The following NFIA variants were observed in gnomAD, a reference collection of about 807,000 sequenced individuals.
NFIA encodes nuclear factor 1 A-type.
Under a neutral mutation model 62.8 loss-of-function variants are expected in NFIA, and 8 were observed. The ratio of observed to expected loss-of-function variants is 0.13; its 90% CI spans 0.07 to 0.23. The LOEUF is 0.23. NFIA is among the 10% of genes least tolerant of loss of function. The probability of loss-of-function intolerance (pLI) is 1.00; values close to 1 mark genes in which losing one functional copy is unlikely to be tolerated. For missense variants in NFIA, 410 were observed against 642.1 expected, an observed-to-expected ratio of 0.64 and a Z score of 3.91; for synonymous variants, 235 against 238.1, an observed-to-expected ratio of 0.99 and a Z score of 0.12.
chr1:61,213,374 T>C (rs1653387995), intron 2 of NFIA, among the ~76,000 whole-genome samples: 1 of 152,192 alleles, frequency 6.6e-6, no homozygotes, highest in Non-Finnish European at 1.5e-5. Context: ...ATGCGGGTTG[T>C]GAAGATATGT....
chr1:61,398,232 C>T (rs1665381695), intron 7 of NFIA, among the ~76,000 whole-genome samples: 1 of 152,224 alleles, frequency 6.6e-6, no homozygotes, highest in African/African-American at 2.4e-5. Flanking sequence ...ATATAGCCTG[C>T]AAAGTCTAAA....
At chr1:61,425,138 T>C (rs1666809270) in intron 9 of NFIA, among the ~76,000 whole-genome samples, 1 of 152,232 alleles carries the variant, frequency 6.6e-6, no homozygotes, top group Admixed American at 6.5e-5. Context: ...AACACAGCCA[T>C]GTCCACATCC....
At chr1:61,274,380 A>T (rs1657687429) in intron 2 of NFIA, among the ~76,000 whole-genome samples, 1 of 152,238 alleles carries the variant, frequency 6.6e-6, no homozygotes, top group African/African-American at 2.4e-5. Flanking sequence ...GGGAAAAAAA[A>T]TTGATAACCC....
chr1:61,457,381 C>T lies in NFIA; in HGVS notation c.*2061C>T, dbSNP rs1668355015. Reference sequence around the variant, plus strand: ...TTGTAAATGTGACTTTTATGTCAGCCATCGTCAGTTTCAACATCTAGAACT... The same window carrying T: ...TTGTAAATGTGACTTTTATGTCAGCTATCGTCAGTTTCAACATCTAGAACT... On this transcript the variant is annotated 3_prime_UTR_variant, in exon 11 of 11. Transcript: ENST00000403491. The surrounding 1 kb of genome is among the most constrained non-coding windows in gnomAD (Gnocchi z 4.2). 2 of 152,128 alleles carry T rather than the reference C, an allele frequency of 1.3e-5. No individual in the cohort carries two copies. Among genetic ancestry groups the T allele is most frequent in the African/African-American group, 2.4e-5 (1 of 41,420 alleles). 9.4% of individuals were successfully genotyped at this position (152,128 alleles called of 1,614,324 possible). A position where few individuals can be genotyped will look rare whatever the true frequency, so the allele number is the denominator to read the frequency against.
chr1:61,159,726 GGCTGGAGT>G (rs1649056051), intron 2 of NFIA, among the ~76,000 whole-genome samples: 1 of 148,794 alleles, frequency 6.7e-6, no homozygotes, highest in Admixed American at 6.8e-5. Flanking sequence ...CTGTTGCCCG[GGCTGGAGT>G]GCAGTGGCTC....
At chr1:61,231,575 G>A (rs903601542) in intron 2 of NFIA, among the ~76,000 whole-genome samples, 2 of 152,134 alleles carry the variant, frequency 1.3e-5, no homozygotes, top group Non-Finnish European at 2.9e-5. Flanking sequence ...ACTCAACTTG[G>A]TGCTATTGTA....
chr1:61,353,641 G>A lies in NFIA; in HGVS notation c.818+1074G>A, dbSNP rs115170186. On this transcript the variant is annotated intron_variant, in intron 5 of 10. Coordinates refer to ENST00000403491, the MANE Select transcript of NFIA (RefSeq NM_001134673.4). ...TAGAACTTTTCCTTGGTGCACACTCGTTCTTACCTTGCCTTTATATATTTT... is the reference window on the plus strand; with the variant it reads ...TAGAACTTTTCCTTGGTGCACACTCATTCTTACCTTGCCTTTATATATTTT... 5.8e-3 allele frequency among the ~76,000 whole-genome samples: 884 copies of A among 152,052 alleles called. 5 individuals carry two copies. Among genetic ancestry groups the A allele is most frequent in the Middle Eastern group, 0.01 (3 of 294 alleles).
At chr1:61,167,945 G>C (rs1367834149) in intron 2 of NFIA, among the ~76,000 whole-genome samples, 13 of 152,062 alleles carry the variant, frequency 8.5e-5, no homozygotes, top group Non-Finnish European at 1.2e-4. Flanking sequence ...TATAGATTTT[G>C]ATGTACACTT....
chr1:61,189,858 C>G (rs567470320), intron 2 of NFIA, among the ~76,000 whole-genome samples: 1 of 152,202 alleles, frequency 6.6e-6, no homozygotes, highest in East Asian at 1.9e-4. Flanking sequence ...CCTAGAAACT[C>G]ACTGAATACT....
intron 3 of NFIA, among the ~76,000 whole-genome samples, chr1:61,295,259 C>G (rs1189890716): frequency 1.3e-5 from 2 of 152,194 alleles, no homozygotes; most frequent in South Asian, 2.1e-4. Flanking sequence ...GCAAAGCTGA[C>G]TGACATGAAG....
chr1:61,458,645 C>G lies in NFIA; in HGVS notation c.*3325C>G, dbSNP rs1483543275. On this transcript the variant is annotated 3_prime_UTR_variant, in exon 11 of 11. Coordinates refer to ENST00000403491, the MANE Select transcript of NFIA (RefSeq NM_001134673.4). Reference sequence around the variant, plus strand: ...GAATTGCTTTTCTTTCTTTTTACCCCCCCTTTGGGAACTGGATTTAAGTTT... The same window carrying G: ...GAATTGCTTTTCTTTCTTTTTACCCGCCCTTTGGGAACTGGATTTAAGTTT... The G allele has an allele frequency of 6.6e-6, 1 of 151,202 alleles. No homozygotes were observed. The highest frequency in any genetic ancestry group is 1.5e-5 in the Non-Finnish European group (1 of 67,908). The allele number at this position is 151,202 out of a possible 1,614,324, so 9.4% of individuals were successfully genotyped here.
intron 3 of NFIA, among the ~76,000 whole-genome samples, chr1:61,309,294 C>T (rs981957364): frequency 6.6e-6 from 1 of 152,088 alleles, no homozygotes; most frequent in African/African-American, 2.4e-5. Context: ...GACTCCTTCT[C>T]CAGTGTCAGT....
At chr1:61,141,620 T>G (rs1459294293) in intron 2 of NFIA, among the ~76,000 whole-genome samples, 1 of 152,242 alleles carries the variant, frequency 6.6e-6, no homozygotes, top group Non-Finnish European at 1.5e-5. Context: ...GGAAAAATTT[T>G]ATATCCTTTC....
chr1:61,285,043 G>C (rs944725783), intron 3 of NFIA, among the ~76,000 whole-genome samples: 1 of 152,176 alleles, frequency 6.6e-6, no homozygotes, highest in Non-Finnish European at 1.5e-5. Flanking sequence ...TACAATTTAT[G>C]CAGTATTTGA....
intron 3 of NFIA, among the ~76,000 whole-genome samples, chr1:61,290,833 A>AT (rs762511801): frequency 6.3e-4 from 96 of 151,518 alleles, no homozygotes; most frequent in Non-Finnish European, 1.2e-3. Context: ...TAAATTATGC[A>AT]TTTTTTCCCC....
At chr1:61,154,950 G>T (rs975950725) in intron 2 of NFIA, among the ~76,000 whole-genome samples, 22 of 152,206 alleles carry the variant, frequency 1.4e-4, no homozygotes, top group African/African-American at 5.3e-4. Context: ...CTACATTGTT[G>T]CTAAAAGCTT....
chr1:61,086,835 T>G (rs769504398), intron 1 of NFIA, among the ~76,000 whole-genome samples: 36 of 152,212 alleles, frequency 2.4e-4, no homozygotes, highest in Non-Finnish European at 4.9e-4. Flanking sequence ...TGAAAGTATA[T>G]ATTTAGTTAG....
rs1195274008 is a variant in NFIA at position 61,424,593 on chromosome 1, C to T, written c.1421-1872C>T. Among the ~76,000 whole-genome samples the T allele has an allele frequency of 6.6e-5, 10 of 152,238 alleles. No homozygotes were observed. In the South Asian group the frequency reaches 1.9e-3, roughly 28 times the overall value. ...TTTTGTTCCTTCTCAACCTACCTAC[C>T]TATTCATGTGTGAAAGAACACTTTT... On this transcript the variant is annotated intron_variant, in intron 9 of 10. Coordinates refer to ENST00000403491, the MANE Select transcript of NFIA (RefSeq NM_001134673.4).
At chr1:61,412,281 A>C (rs1666138127) in intron 9 of NFIA, among the ~76,000 whole-genome samples, 1 of 152,208 alleles carries the variant, frequency 6.6e-6, no homozygotes, top group Non-Finnish European at 1.5e-5. Context: ...TTAAAATATA[A>C]GTAAATTAGC....
Sources: gnomAD v4.1 joint callset for allele counts (sites outside exome capture counted in the v4.1 genomes callset) on GRCh38, gnomAD v4.1.1 for gene constraint, Gnocchi (gnomAD v3.1) non-coding constraint, MANE v1.5 for transcripts, NCBI Gene and HGNC (gene_info 2026-07-23, HGNC 2026-07-21) for gene names.